Variants in ATPAF2 observed in about 807,000 individuals in gnomAD.
ATPAF2 encodes the protein ATP synthase mitochondrial F1 complex assembly factor 2.
In ATPAF2, 30 loss-of-function variants were observed where a neutral mutation model predicts 36.6. The ratio of observed to expected loss-of-function variants is 0.82; its 90% CI spans 0.61 to 1.11. ATPAF2 has a LOEUF of 1.11. Ranked by LOEUF, ATPAF2 falls within the 50% of genes most tolerant of loss-of-function variation. The pLI is 0.00. For missense variants in ATPAF2, 321 were observed against 372.3 expected, an observed-to-expected ratio of 0.86 and a Z score of 1.13; for synonymous variants, 140 against 152.6, an observed-to-expected ratio of 0.92 and a Z score of 0.61.
chr17:18,016,461 TA>T, downstream of ATPAF2: 1 of 933,342 alleles, frequency 1.1e-6, no homozygotes, highest in African/African-American at 1.6e-5. Context: ...TTTGCAGATC[TA>T]AAGGAACTAT....
chr17:18,030,337 A>G (rs1439791301), intron 1 of ATPAF2, among the ~76,000 whole-genome samples: 5 of 148,658 alleles, frequency 3.4e-5, no homozygotes, highest in Admixed American at 2.0e-4. Context: ...AAAAAAAAAA[A>G]AAAAAAGAAA....
chr17:18,033,518 C>T (rs534176037), intron 1 of ATPAF2, among the ~76,000 whole-genome samples: 54 of 151,830 alleles, frequency 3.6e-4, no homozygotes, highest in African/African-American at 1.3e-3. Flanking sequence ...AATGGTAACC[C>T]TGTCTTTAAA....
At chr17:18,024,955 C>T in intron 4 of ATPAF2, 1 of 519,574 alleles carries the variant, frequency 1.9e-6, no homozygotes, top group Non-Finnish European at 3.5e-6. Flanking sequence ...GGGGGCCCAG[C>T]AATCTGTTTT....
At chr17:18,015,816 C>T (rs967243385), downstream of ATPAF2, 5 of 416,376 alleles carry the variant, frequency 1.2e-5, no homozygotes, top group Non-Finnish European at 2.2e-5. Flanking sequence ...ATGCTTCCAG[C>T]GGGGACTGCA....
At position 18,028,141 on chromosome 17, in the gene ATPAF2, C is replaced by T. The variant is rs1366267297; in HGVS notation, c.324+91G>A. The stretch of plus-strand genomic sequence containing the variant: ...GGGGCCAGACAGGCAAAGGACCAGC[C>T]CCCAGGGCCTTGTCGGAATTTGGTA... On this transcript the variant is annotated intron_variant, in intron 3 of 7. Coordinates refer to ENST00000474627, the MANE Select transcript of ATPAF2 (RefSeq NM_145691.4). The T allele has an allele frequency of 6.6e-6, 10 of 1,525,562 alleles. No individual in the cohort carries two copies. The East Asian group carries it at 2.3e-4, about 34-fold the overall frequency. The allele number at this position is 1,525,562 out of a possible 1,614,324, so 94.5% of individuals were successfully genotyped here. A position where few individuals can be genotyped will look rare whatever the true frequency, so the allele number is the denominator to read the frequency against.
chr17:18,032,783 T>G (rs1001358665), intron 1 of ATPAF2, among the ~76,000 whole-genome samples: 8 of 151,624 alleles, frequency 5.3e-5, no homozygotes, highest in Admixed American at 1.3e-4. Context: ...TAGTCAGAAT[T>G]AAATTGCAAC....
At chr17:18,020,632 C>G (rs1035895381) in intron 7 of ATPAF2, 1 of 164,304 alleles carries the variant, frequency 6.1e-6, no homozygotes, top group Non-Finnish European at 1.3e-5. Context: ...AATGCAGGAA[C>G]ACAGCGGTAG....
chr17:18,026,187 C>T, intron 4 of ATPAF2, 132 bp downstream of exon 4: 1 of 906,052 alleles, frequency 1.1e-6, no homozygotes, highest in Non-Finnish European at 1.8e-6. Context: ...AGCCAAGTGC[C>T]AAAGTCAAGT....
intron 4 of ATPAF2, 48 bp from the exon 5 acceptor site, chr17:18,024,752 T>C: frequency 1.3e-6 from 2 of 1,515,554 alleles, no homozygotes; most frequent in Non-Finnish European, 1.8e-6. Context: ...GTACAATTCC[T>C]TCATTCAGTG....
At chr17:18,019,185 A>ACACCC (rs1313379853) in intron 7 of ATPAF2, among the ~76,000 whole-genome samples, 15 of 146,358 alleles carry the variant, frequency 1.0e-4, no homozygotes, top group African/African-American at 3.0e-4. Context: ...ACACACACAC[A>ACACCC]CCCCACCACC....
At chr17:18,036,969 G>C (rs2044711592) in intron 1 of ATPAF2, among the ~76,000 whole-genome samples, 1 of 152,192 alleles carries the variant, frequency 6.6e-6, no homozygotes, top group Non-Finnish European at 1.5e-5. Flanking sequence ...TACTTGGGAG[G>C]CTGAGGCAGG....
At chr17:18,027,570 C>A (rs550154032) in intron 3 of ATPAF2, among the ~76,000 whole-genome samples, 2 of 152,220 alleles carry the variant, frequency 1.3e-5, no homozygotes, top group African/African-American at 4.8e-5. Flanking sequence ...TATGGGGCTG[C>A]GAAAGGGGTA....
intron 3 of ATPAF2, 177 bp downstream of exon 3, chr17:18,028,055 A>G: frequency 1.4e-6 from 1 of 739,982 alleles, no homozygotes; most frequent in South Asian, 1.5e-5. Flanking sequence ...AGCTGCAAGT[A>G]GCCGGGCCAG....
chr17:18,023,648 G>A (rs751084582), intron 5 of ATPAF2, among the ~76,000 whole-genome samples: 8 of 152,146 alleles, frequency 5.3e-5, no homozygotes, highest in Non-Finnish European at 7.3e-5. Flanking sequence ...ACATAGTATT[G>A]TAGTCTGGTC....
At chr17:18,018,797 T>C in intron 7 of ATPAF2, 111 bp from the exon 8 acceptor site, 1 of 1,510,974 alleles carries the variant, frequency 6.6e-7, no homozygotes, top group Non-Finnish European at 9.1e-7. Context: ...GGTTTGTATC[T>C]TGCCAAAACA....
At chr17:18,020,108 T>TTTTGTTTG (rs60778568) in intron 7 of ATPAF2, among the ~76,000 whole-genome samples, 65,217 of 151,510 alleles carry the variant, frequency 0.43, 15,364 homozygotes, top group East Asian at 0.9. Context: ...TTTTGTGTTT[T>TTTTGTTTG]TTTGTTTGTT....
intron 1 of ATPAF2, among the ~76,000 whole-genome samples, chr17:18,028,860 G>A (rs2044585877): frequency 6.6e-6 from 1 of 152,192 alleles, no homozygotes; most frequent in Non-Finnish European, 1.5e-5. Context: ...CTGATCTCCA[G>A]GGAGAAGGGA....
At chr17:18,017,123 G>T (rs960089100), downstream of ATPAF2, among the ~76,000 whole-genome samples, 9 of 123,244 alleles carry the variant, frequency 7.3e-5, no homozygotes, top group African/African-American at 2.8e-4. Flanking sequence ...AGTGAGCCAA[G>T]ATCGCACCAC....
downstream of ATPAF2, chr17:18,016,518 G>T: frequency 1.4e-6 from 2 of 1,380,088 alleles, no homozygotes; most frequent in South Asian, 1.2e-5. Flanking sequence ...ATTAACCAAT[G>T]ATCTGATGTA....
Sources: allele counts gnomAD v4.1 joint callset (sites outside exome capture counted in the v4.1 genomes callset), GRCh38; gene constraint gnomAD v4.1.1; transcripts MANE v1.5; gene names NCBI Gene and HGNC (gene_info 2026-07-23, HGNC 2026-07-21).